MAP2: variants seen among roughly 807,000 people sequenced by gnomAD.
MAP2 encodes microtubule associated protein 2.
A neutral mutation model predicts 137.6 loss-of-function variants in MAP2; 14 were observed. The observed-to-expected ratio is 0.10, with a 90% CI of 0.07 to 0.16. The LOEUF (loss-of-function observed/expected upper bound fraction) is 0.16. Ranked by LOEUF, MAP2 falls within the 10% of genes least tolerant of loss-of-function variation. The pLI is 1.00. For missense variants in MAP2, 2,088 were observed against 2,191.5 expected (o/e 0.95, Z 0.94); for synonymous variants, 786 against 782.3 (o/e 1.00, Z -0.08).
intron 3 of MAP2, among the ~76,000 whole-genome samples, chr2:209,618,278 A>G (rs1335166016): frequency 8.5e-5 from 13 of 152,134 alleles, no homozygotes; most frequent in Admixed American, 8.5e-4. Flanking sequence ...CAAAGATGGA[A>G]TTAATAGGTC....
intron 2 of MAP2, among the ~76,000 whole-genome samples, chr2:209,550,879 A>G (rs529162993): frequency 1.3e-5 from 2 of 152,330 alleles, no homozygotes; most frequent in African/African-American, 2.4e-5. Flanking sequence ...TCTCCAAAAT[A>G]GAAATACTAA....
In MAP2 at chr2:209,695,406, C is replaced by T. The variant is rs771807994; in HGVS notation, c.3236C>T (p.Thr1079Ile). The change falls in exon 8 of 16, where the codon ACC (threonine) becomes ATC (isoleucine). Residue 1079 changes from threonine (T) to isoleucine (I), a missense_variant. Coordinates refer to ENST00000682079, the MANE Select transcript of MAP2 (RefSeq NM_001375505.1). Reference sequence around the variant, plus strand: ...AAACTTGAGGCTACACAGGACATGACCCCCTCATCCAAAGCACCGCAGGAG... The same window carrying T: ...AAACTTGAGGCTACACAGGACATGATCCCCTCATCCAAAGCACCGCAGGAG... ...ELKLEATQDM[T>I]PSSKAPQEAD... is the part of the protein sequence containing the mutation. 1.9e-6 allele frequency: 3 copies of T among 1,612,820 alleles called. No homozygotes were observed. Among genetic ancestry groups the T allele is most frequent in the Non-Finnish European group, 2.5e-6 (3 of 1,179,458 alleles).
intron 10 of MAP2, among the ~76,000 whole-genome samples, chr2:209,699,022 A>AAATCTTTGAACT (rs1559607457): frequency 6.6e-6 from 1 of 152,236 alleles, no homozygotes; most frequent in Non-Finnish European, 1.5e-5. Context: ...AAAGAAATTT[A>AAATCTTTGAACT]AAATCTTTGA....
intron 4 of MAP2, among the ~76,000 whole-genome samples, chr2:209,639,563 A>C (rs763917843): frequency 6.6e-6 from 1 of 152,086 alleles, no homozygotes; most frequent in African/African-American, 2.4e-5. Context: ...TGCTGGATCA[A>C]TCATCCTAAA....
At chr2:209,668,141 C>A (rs2047156139) in intron 5 of MAP2, among the ~76,000 whole-genome samples, 1 of 151,990 alleles carries the variant, frequency 6.6e-6, no homozygotes, top group South Asian at 2.1e-4. Context: ...TTCTAGATAT[C>A]ATTTCTATTC....
chr2:209,668,624 A>G (rs532024313), intron 5 of MAP2, among the ~76,000 whole-genome samples: 1 of 152,194 alleles, frequency 6.6e-6, no homozygotes, highest in Admixed American at 6.5e-5. Context: ...ATCGAAATAC[A>G]AATATGACAT....
intron 5 of MAP2, among the ~76,000 whole-genome samples, chr2:209,661,293 C>T (rs1053371079): frequency 6.6e-6 from 1 of 152,062 alleles, no homozygotes; most frequent in African/African-American, 2.4e-5. Context: ...TTAATTTATG[C>T]GGAGCAAAAT....
At chr2:209,555,713 C>G (rs2070402453) in intron 2 of MAP2, among the ~76,000 whole-genome samples, 1 of 152,054 alleles carries the variant, frequency 6.6e-6, no homozygotes, top group South Asian at 2.1e-4. Flanking sequence ...ATAGAGGTAC[C>G]AAAAAGCATT....
At chr2:209,641,893 A>G (rs1430071047) in intron 4 of MAP2, among the ~76,000 whole-genome samples, 5 of 152,122 alleles carry the variant, frequency 3.3e-5, no homozygotes, top group Non-Finnish European at 5.9e-5. Context: ...TTCATATGGT[A>G]GGTTGTTACC....
intron 1 of MAP2, among the ~76,000 whole-genome samples, chr2:209,504,025 G>T (rs2060718901): frequency 6.6e-6 from 1 of 151,950 alleles, no homozygotes; most frequent in African/African-American, 2.4e-5. Context: ...GAACCCAGGA[G>T]GTGGAGGTTG....
intron 3 of MAP2, among the ~76,000 whole-genome samples, chr2:209,610,058 AAC>A (rs759192527): frequency 5.9e-5 from 9 of 152,186 alleles, no homozygotes; most frequent in Non-Finnish European, 7.3e-5. Context: ...CATATAAATA[AAC>A]ACAAAATTAG....
chr2:209,479,669 T>A (rs967591648), intron 1 of MAP2, among the ~76,000 whole-genome samples: 1 of 152,122 alleles, frequency 6.6e-6, no homozygotes, highest in Admixed American at 6.5e-5. Context: ...TTAAATGCAG[T>A]GTACCTGACC....
At chr2:209,520,807 A>G (rs542562605) in intron 2 of MAP2, among the ~76,000 whole-genome samples, 78 of 152,028 alleles carry the variant, frequency 5.1e-4, no homozygotes, top group Non-Finnish European at 9.4e-4. Context: ...TTTGCTTACT[A>G]TAAAGCACTT....
At chr2:209,667,262 T>C (rs1411446809) in intron 5 of MAP2, among the ~76,000 whole-genome samples, 1 of 152,026 alleles carries the variant, frequency 6.6e-6, no homozygotes. Context: ...TTCAGAACTG[T>C]CCAAGAAAAA....
In MAP2 at chr2:209,696,114, A is replaced by G; in HGVS notation, c.3944A>G (p.Glu1315Gly). The change falls in exon 8 of 16, where the codon GAG becomes GGG. Residue 1315 changes from glutamate (E) to glycine (G), a missense_variant. Glu to Gly is a moderately conservative substitution (Grantham distance 98). Coordinates refer to ENST00000682079, the MANE Select transcript of MAP2 (RefSeq NM_001375505.1). Reference protein sequence around the residue: ...GSHSVRFAALEQPEVERRPSP... With the variant: ...GSHSVRFAALGQPEVERRPSP... ...CACAGCGTGCGTTTTGCAGCCCTAG[A>G]GCAGCCTGAGGTGGAAAGGAGACCA... 6.2e-7 allele frequency: 1 copy of G among 1,613,782 alleles called. No homozygotes were observed.
At chr2:209,434,884 GTTATATATATGTTATATATA>G (rs1695420808) in intron 1 of MAP2, among the ~76,000 whole-genome samples, 1 of 34,036 alleles carries the variant, frequency 2.9e-5, no homozygotes, top group Non-Finnish European at 5.7e-5. Context: ...TTATATATAT[GTTATATATATGTTATATATA>G]TATGTTATAT....
intron 7 of MAP2, chr2:209,690,673 G>C: frequency 7.8e-7 from 1 of 1,289,620 alleles, no homozygotes. Flanking sequence ...AAGAGTGTGG[G>C]GCTGCTAAGT....
intron 10 of MAP2, among the ~76,000 whole-genome samples, chr2:209,698,926 C>T (rs2061004112): frequency 6.6e-6 from 1 of 152,056 alleles, no homozygotes; most frequent in Non-Finnish European, 1.5e-5. Flanking sequence ...TTAGAGAAAA[C>T]GTAAAATGGT....
intron 7 of MAP2, among the ~76,000 whole-genome samples, chr2:209,687,171 T>C (rs911607146): frequency 1.3e-5 from 2 of 150,466 alleles, no homozygotes; most frequent in African/African-American, 4.9e-5. Flanking sequence ...TGGTTAAAGT[T>C]ATTAACTAGA....
Sources: gnomAD v4.1 joint callset for allele counts (sites outside exome capture counted in the v4.1 genomes callset) on GRCh38, gnomAD v4.1.1 for gene constraint, MANE v1.5 for transcripts, NCBI Gene and HGNC (gene_info 2026-07-23, HGNC 2026-07-21) for gene names.